Variants in PLCL1 observed in about 807,000 individuals in gnomAD.
The protein encoded by PLCL1 is inactive phospholipase C-like protein 1.
Under a neutral mutation model 84.4 loss-of-function variants are expected in PLCL1, and 41 were observed. The ratio of observed to expected loss-of-function variants is 0.49; its 90% CI spans 0.38 to 0.63. The LOEUF (loss-of-function observed/expected upper bound fraction) is 0.63. Ranked by LOEUF, PLCL1 falls within the 30% of genes least tolerant of loss-of-function variation. The pLI, the probability that PLCL1 is intolerant of heterozygous loss-of-function variation, is 0.00. For synonymous variants in PLCL1, 490 were observed against 488.3 expected (o/e 1.00, Z -0.05); for missense variants, 1,206 against 1,367.8 (o/e 0.88, Z 1.87).
At chr2:197,958,546 C>T (rs1035483137) in intron 1 of PLCL1, among the ~76,000 whole-genome samples, 1 of 152,032 alleles carries the variant, frequency 6.6e-6, no homozygotes, top group African/African-American at 2.4e-5. Flanking sequence ...TGGCATCTAA[C>T]CACATTGATC....
chr2:198,085,327 A>C lies in PLCL1; in HGVS notation c.1810A>C (p.Met604Leu). The C allele has an allele frequency of 6.2e-7, 1 of 1,613,678 alleles. No individual in the cohort carries two copies. The highest frequency in any genetic ancestry group is 1.1e-5 in the South Asian group (1 of 90,996). Residue 604 changes from methionine to leucine, a missense_variant, in exon 2 of 6, where the codon ATG becomes CTG. Physicochemically the swap from Met to Leu is conservative, Grantham distance 15 (BLOSUM62 2). Coordinates refer to ENST00000428675, the MANE Select transcript of PLCL1 (RefSeq NM_006226.4). This position sits in a 1 kb window ranked among gnomAD's most constrained non-coding sequence, Gnocchi z 5.3. ...TCAATACAGGGATTTTGAACTATCT[A>C]TGAAAAGCCAAAACTATTGGGAAAT... is the stretch of plus-strand genomic sequence containing the variant. ...SVQYRDFELS[M>L]KSQNYWEMCS...
chr2:198,041,224 A>G lies in PLCL1; in HGVS notation c.241-42534A>G, dbSNP rs547804838. Among the ~76,000 whole-genome samples the G allele has an allele frequency of 2.6e-5, 4 of 152,326 alleles. No homozygotes were observed. In the East Asian group the frequency reaches 5.8e-4, roughly 22 times the overall value. On this transcript the variant is annotated intron_variant, in intron 1 of 5. Coordinates refer to ENST00000428675, the MANE Select transcript of PLCL1 (RefSeq NM_006226.4). ...CTGAAAACTGCTTCTCTGTTTTACA[A>G]TCTTGAATTTTACTTAGCTCTGCTG...
intron 3 of PLCL1, 65 bp from the exon 4 acceptor site, chr2:198,101,220 C>T (rs1487544377): frequency 1.7e-5 from 16 of 916,246 alleles, no homozygotes; most frequent in South Asian, 2.8e-5. Context: ...CTCTGTATGT[C>T]GTCTTCCCAA....
chr2:197,861,551 G>A (rs1489809215), intron 1 of PLCL1, among the ~76,000 whole-genome samples: 1 of 152,172 alleles, frequency 6.6e-6, no homozygotes, highest in Non-Finnish European at 1.5e-5. Flanking sequence ...GATTATAGCC[G>A]ATTGGTCAGA....
At chr2:198,079,862 A>G (rs1692666975) in intron 1 of PLCL1, among the ~76,000 whole-genome samples, 1 of 152,264 alleles carries the variant, frequency 6.6e-6, no homozygotes, top group Non-Finnish European at 1.5e-5. Flanking sequence ...GGACTCAACT[A>G]CAATATGAGG....
At position 198,101,317 on chromosome 2, in the gene PLCL1, G is replaced by T. The variant is rs540590447; in HGVS notation, c.2952G>T (p.Met984Ile). 6.2e-7 allele frequency: 1 copy of T among 1,600,426 alleles called. No homozygotes were observed. Among genetic ancestry groups the T allele is most frequent in the South Asian group, 1.1e-5 (1 of 90,356 alleles). The change falls in exon 4 of 6, where the codon ATG becomes ATT. Residue 984 changes from methionine (M) to isoleucine (I), a missense_variant. Coordinates refer to ENST00000428675, the MANE Select transcript of PLCL1 (RefSeq NM_006226.4). ...AAGAGAGCCGGTTTCTCATAGAAATGGCGGACACAGTCCAGGAAAAGATTG... is the reference window on the plus strand; with the variant it reads ...AAGAGAGCCGGTTTCTCATAGAAATTGCGGACACAGTCCAGGAAAAGATTG... ...MIQESRFLIEMADTVQEKIVQ... is the reference protein window; with the variant it reads ...MIQESRFLIEIADTVQEKIVQ...
chr2:197,814,486 T>G (rs1690649597), intron 1 of PLCL1, among the ~76,000 whole-genome samples: 1 of 152,168 alleles, frequency 6.6e-6, no homozygotes, highest in Non-Finnish European at 1.5e-5. Context: ...TTCCCTCTCC[T>G]TGGGCCTCCT....
intron 1 of PLCL1, among the ~76,000 whole-genome samples, chr2:197,891,197 G>T (rs1228602629): frequency 6.6e-6 from 1 of 152,158 alleles, no homozygotes; most frequent in Non-Finnish European, 1.5e-5. Context: ...ATGGAAACAT[G>T]TAATTGCAAT....
chr2:198,015,996 T>A (rs934551717), intron 1 of PLCL1, among the ~76,000 whole-genome samples: 3 of 152,220 alleles, frequency 2.0e-5, no homozygotes, highest in African/African-American at 7.2e-5. Context: ...TGGAAAACAT[T>A]TTTGTAAAAT....
At chr2:197,936,311 CT>C (rs1370418223) in intron 1 of PLCL1, among the ~76,000 whole-genome samples, 1 of 152,116 alleles carries the variant, frequency 6.6e-6, no homozygotes, top group Non-Finnish European at 1.5e-5. Flanking sequence ...TATGATAATT[CT>C]ATTTTTAATT....
At chr2:198,082,347 G>GC (rs1411441439) in intron 1 of PLCL1, among the ~76,000 whole-genome samples, 18 of 152,190 alleles carry the variant, frequency 1.2e-4, no homozygotes, top group African/African-American at 4.1e-4. Flanking sequence ...GGGAGGCTGA[G>GC]GCAGGAGAAT....
At chr2:197,860,799 T>G (rs1687417740) in intron 1 of PLCL1, among the ~76,000 whole-genome samples, 2 of 152,200 alleles carry the variant, frequency 1.3e-5, no homozygotes, top group Non-Finnish European at 2.9e-5. Context: ...TTGCAAAAAT[T>G]TTCTCCCATT....
Position 197,980,171 on chromosome 2 carries a change from T to C in PLCL1, c.241-103587T>C, listed in dbSNP as rs555902100. On this transcript the variant is annotated intron_variant, in intron 1 of 5. Transcript: ENST00000428675. ...ATTCCTGCCTTGAATGACACAGGTA[T>C]GTGGCTGTCCATGGACACAGGAAAT... Among the ~76,000 whole-genome samples the C allele has an allele frequency of 6.6e-5, 10 of 152,208 alleles. No individual in the cohort carries two copies. The South Asian group carries it at 1.9e-3, about 28-fold the overall frequency.
At chr2:197,894,370 C>T (rs754404259) in intron 1 of PLCL1, among the ~76,000 whole-genome samples, 1 of 151,916 alleles carries the variant, frequency 6.6e-6, no homozygotes, top group Non-Finnish European at 1.5e-5. Context: ...TAGTTTCCTG[C>T]CACTGATGAA....
At chr2:197,986,916 G>T (rs553448613) in intron 1 of PLCL1, among the ~76,000 whole-genome samples, 1 of 152,230 alleles carries the variant, frequency 6.6e-6, no homozygotes, top group East Asian at 1.9e-4. Flanking sequence ...GGAATCATCC[G>T]TATTTCATAC....
chr2:197,985,679 G>T (rs951992879), intron 1 of PLCL1, among the ~76,000 whole-genome samples: 1 of 152,148 alleles, frequency 6.6e-6, no homozygotes, highest in Admixed American at 6.5e-5. Context: ...GTCTGTGTTT[G>T]CTTTCATGCT....
intron 1 of PLCL1, among the ~76,000 whole-genome samples, chr2:197,860,944 G>A (rs965373518): frequency 2.0e-4 from 30 of 152,164 alleles, no homozygotes; most frequent in Non-Finnish European, 3.1e-4. Context: ...ATCTTTGCCC[G>A]TTCCTATGTC....
intron 1 of PLCL1, among the ~76,000 whole-genome samples, chr2:197,962,528 C>A (rs1009657493): frequency 6.6e-6 from 1 of 151,958 alleles, no homozygotes; most frequent in Non-Finnish European, 1.5e-5. Context: ...GGCACACATG[C>A]CTAATAATCA....
chr2:197,914,689 TAGC>T (rs1293561284), intron 1 of PLCL1, among the ~76,000 whole-genome samples: 3 of 152,194 alleles, frequency 2.0e-5, no homozygotes, highest in Non-Finnish European at 2.9e-5. Flanking sequence ...CTTTATCAAA[TAGC>T]AGTCCTGTGT....
Sources: gnomAD v4.1 joint callset for allele counts (sites outside exome capture counted in the v4.1 genomes callset) on GRCh38, gnomAD v4.1.1 for gene constraint, Gnocchi (gnomAD v3.1) non-coding constraint, MANE v1.5 for transcripts, NCBI Gene and HGNC (gene_info 2026-07-23, HGNC 2026-07-21) for gene names.